ZFP90: variants seen among roughly 807,000 people sequenced by gnomAD.
ZFP90 encodes the protein ZFP90 zinc finger protein.
In ZFP90, 38 loss-of-function variants were observed where a neutral mutation model predicts 60.8. The observed-to-expected ratio is 0.62, with a 90% CI of 0.48 to 0.82. The LOEUF (loss-of-function observed/expected upper bound fraction) is 0.82, where lower values mean the gene tolerates loss of function less well. ZFP90 is among the 40% of genes least tolerant of loss of function. ZFP90 has a pLI of 0.00. For missense variants in ZFP90, 711 were observed against 759.1 expected (o/e 0.94, Z 0.74); for synonymous variants, 287 against 264.8 (o/e 1.08, Z -0.82).
chr16:68,559,766 G>T (rs573803193), intron 4 of ZFP90, among the ~76,000 whole-genome samples: 2 of 152,120 alleles, frequency 1.3e-5, no homozygotes, highest in South Asian at 4.2e-4. Context: ...AAGAAACGAG[G>T]TTTCACCATG....
chr16:68,566,307 T>TTA lies in ZFP90; in HGVS notation c.*1610_*1611insAT. 3 of 985,550 alleles carry TTA rather than the reference T, an allele frequency of 3.0e-6. No individual in the cohort carries two copies. Among genetic ancestry groups the TTA allele is most frequent in the Non-Finnish European group, 3.6e-6 (3 of 829,932 alleles). 61.1% of individuals were successfully genotyped at this position (985,550 alleles called of 1,614,324 possible). A position where few individuals can be genotyped will look rare whatever the true frequency, so the allele number is the denominator to read the frequency against. On this transcript the variant is annotated 3_prime_UTR_variant, in exon 5 of 5. Coordinates refer to ENST00000563169, the MANE Select transcript of ZFP90 (RefSeq NM_001305203.2). ...CAATTTGGGCACAACTGGACATTGA[T>TTA]TCCTTTTACACAAGAGCTGCCTCCC...
chr16:68,567,248 A>G (rs183600659), downstream of ZFP90: 408 of 737,624 alleles, frequency 5.5e-4, 2 homozygotes, highest in South Asian at 8.6e-4. Flanking sequence ...AATAGCTACC[A>G]TTTATTGAAT....
Position 68,575,712 on chromosome 16 carries a change from C to T in ZFP90, c.224-79C>T, listed in dbSNP as rs147397308. ...TTCTCAATCCGGTCTGTGGATTTAC[C>T]GAGGATTTGTAGCTAGGCATCAAAC... is the stretch of plus-strand genomic sequence containing the variant. On this transcript the variant is annotated intron_variant, in intron 2 of 2. Coordinates refer to the ZFP90 transcript ENST00000573113. 7.1e-3 allele frequency: 2,813 copies of T among 397,194 alleles called. 17 individuals are homozygous for T. The highest frequency in any genetic ancestry group is 7.8e-3 in the Non-Finnish European group (1,764 of 225,430). The allele number at this position is 397,194 out of a possible 1,614,324, so 24.6% of individuals were successfully genotyped here.
At chr16:68,536,346 G>A (rs191341277), upstream of ZFP90, among the ~76,000 whole-genome samples, 2 of 152,030 alleles carry the variant, frequency 1.3e-5, no homozygotes, top group South Asian at 2.1e-4. Flanking sequence ...GCTCTGTCAC[G>A]CCAGCTGGAG....
Position 68,563,264 on chromosome 16 carries a change from A to G in ZFP90, c.477A>G (p.Lys159=). ...CACAAGAAAATTTTGAGCAAAATAAATTTGGTGAAAATTCTAGATTGAACA... is the reference window on the plus strand; with the variant it reads ...CACAAGAAAATTTTGAGCAAAATAAGTTTGGTGAAAATTCTAGATTGAACA... ...ITPQENFEQN[K]FGENSRLNTN... is the part of the protein sequence containing the mutation. The change falls in exon 5 of 5, where the codon AAA becomes AAG. Residue 159 remains lysine (K), a synonymous_variant. Coordinates refer to ENST00000563169, the MANE Select transcript of ZFP90 (RefSeq NM_001305203.2). The G allele has an allele frequency of 6.2e-7, 1 of 1,613,908 alleles. No homozygotes were observed. Among genetic ancestry groups the G allele is most frequent in the Non-Finnish European group, 8.5e-7 (1 of 1,179,898 alleles).
chr16:68,569,896 G>A (rs985349574), downstream of ZFP90, among the ~76,000 whole-genome samples: 3 of 151,880 alleles, frequency 2.0e-5, no homozygotes, highest in East Asian at 1.9e-4. Context: ...AGATCAAGTC[G>A]TCCTCTAGTG....
intron 2 of ZFP90, among the ~76,000 whole-genome samples, chr16:68,554,327 C>T (rs1313177641): frequency 6.6e-6 from 1 of 151,808 alleles, no homozygotes; most frequent in African/African-American, 2.4e-5. Context: ...ATTCCGCTTT[C>T]CCAAAGAGTT....
chr16:68,549,989 A>G (rs11642045), intron 2 of ZFP90, among the ~76,000 whole-genome samples: 121,702 of 152,170 alleles, frequency 0.8, 48,891 homozygotes, highest in African/African-American at 0.87. Context: ...AGGAGGCAGC[A>G]TTTGAGAGAA....
intron 2 of ZFP90, among the ~76,000 whole-genome samples, chr16:68,548,788 C>G (rs146413734): frequency 6.6e-6 from 1 of 152,122 alleles, no homozygotes; most frequent in Non-Finnish European, 1.5e-5. Context: ...CTGTGCCCAG[C>G]CTTATCCTCC....
At chr16:68,552,596 GT>G (rs1311279293) in intron 2 of ZFP90, among the ~76,000 whole-genome samples, 2 of 152,150 alleles carry the variant, frequency 1.3e-5, no homozygotes, top group Non-Finnish European at 2.9e-5. Context: ...GTGAAAGAAC[GT>G]TCTGGTTTCA....
Position 68,565,711 on chromosome 16 carries a change from C to A in ZFP90, c.*1013C>A. ...CAGAAAACTAAGAGGAGAATTTTCCCGTTAATTTTCTTGCAGAAAAGTTAA... is the reference window on the plus strand; with the variant it reads ...CAGAAAACTAAGAGGAGAATTTTCCAGTTAATTTTCTTGCAGAAAAGTTAA... On this transcript the variant is annotated 3_prime_UTR_variant, in exon 5 of 5. Coordinates refer to ENST00000563169, the MANE Select transcript of ZFP90 (RefSeq NM_001305203.2). The A allele has an allele frequency of 1.0e-6, 1 of 954,240 alleles. No individual in the cohort carries two copies. The highest frequency in any genetic ancestry group is 1.2e-6 in the Non-Finnish European group (1 of 819,216). 59.1% of individuals were successfully genotyped at this position (954,240 alleles called of 1,614,324 possible).
At chr16:68,537,772 C>T (rs532624652), upstream of ZFP90, among the ~76,000 whole-genome samples, 2 of 152,166 alleles carry the variant, frequency 1.3e-5, no homozygotes, top group Admixed American at 6.5e-5. Context: ...TGCCATGTTG[C>T]CCAAGCTGGT....
At position 68,549,678 on chromosome 16, in the gene ZFP90, C is replaced by CAAAAAAAA. The variant is rs35335958; in HGVS notation, c.34-8307_34-8300dup. On this transcript the variant is annotated intron_variant, in intron 2 of 4. Coordinates refer to ENST00000563169, the MANE Select transcript of ZFP90 (RefSeq NM_001305203.2). Reference sequence around the variant, plus strand: ...TGGGCGACTGAGCAAGACTCCATCTCAAAAAAAAAAAAAAAAAAAAGTCTT... The same window carrying CAAAAAAAA: ...TGGGCGACTGAGCAAGACTCCATCTCAAAAAAAAAAAAAAAAAAAAAAAAAAAAGTCTT... Among the ~76,000 whole-genome samples, 13 of 62,922 alleles carry CAAAAAAAA rather than the reference C, an allele frequency of 2.1e-4. 1 individual carries two copies. The highest frequency in any genetic ancestry group is 8.4e-4 in the African/African-American group (11 of 13,090). 41.3% of individuals were successfully genotyped at this position (62,922 alleles called of 152,430 possible). A position where few individuals can be genotyped will look rare whatever the true frequency, so the allele number is the denominator to read the frequency against.
At position 68,566,383 on chromosome 16, in the gene ZFP90, T is replaced by G; in HGVS notation, c.*1685T>G. 1.0e-6 allele frequency: 1 copy of G among 985,564 alleles called. No individual in the cohort carries two copies. Among genetic ancestry groups the G allele is most frequent in the Non-Finnish European group, 1.2e-6 (1 of 829,932 alleles). The allele number at this position is 985,564 out of a possible 1,614,324, so 61.1% of individuals were successfully genotyped here. On this transcript the variant is annotated 3_prime_UTR_variant, in exon 5 of 5. Transcript: ENST00000563169. ...TAAATATGAATCATGGGGCAAGATA[T>G]TGGTCGTATTGATGGTGAACCTTTC... is the stretch of plus-strand genomic sequence containing the variant.
In ZFP90 at chr16:68,560,440, C is replaced by T. The variant is rs2091419471; in HGVS notation, c.256+1872C>T. Among the ~76,000 whole-genome samples the T allele has an allele frequency of 2.6e-5, 4 of 152,300 alleles. 1 individual carries two copies. In the South Asian group the frequency reaches 8.3e-4, roughly 32 times the overall value. The stretch of plus-strand genomic sequence containing the variant: ...TTTTCAAGGTTCAATCATGTTCTAG[C>T]ATGTATCAGTACATCATTCTTTTTT... On this transcript the variant is annotated intron_variant, in intron 4 of 4. Coordinates refer to ENST00000563169, the MANE Select transcript of ZFP90 (RefSeq NM_001305203.2).
At chr16:68,536,541 C>T (rs955973395), upstream of ZFP90, among the ~76,000 whole-genome samples, 3 of 152,086 alleles carry the variant, frequency 2.0e-5, no homozygotes, top group African/African-American at 7.2e-5. Flanking sequence ...TAGGCTCAAG[C>T]GATCCTCCCT....
intron 2 of ZFP90, among the ~76,000 whole-genome samples, chr16:68,543,787 C>G (rs1056061726): frequency 6.6e-6 from 1 of 151,596 alleles, no homozygotes; most frequent in Non-Finnish European, 1.5e-5. Context: ...TCTCGATCTC[C>G]TGACCTCATG....
In ZFP90 at chr16:68,557,813, C is replaced by A. The variant is rs78290952; in HGVS notation, c.34-185C>A. 2.6e-4 allele frequency among the ~76,000 whole-genome samples: 39 copies of A among 147,464 alleles called. No homozygotes were observed. In the East Asian group the frequency reaches 7.6e-3, roughly 29 times the overall value. On this transcript the variant is annotated intron_variant, in intron 2 of 4. Coordinates refer to ENST00000563169, the MANE Select transcript of ZFP90 (RefSeq NM_001305203.2). ...AGGACAAATTGCCCCTCATAACTTTCCTGCCTGACATACTAGATCCTTTAC... is the reference window on the plus strand; with the variant it reads ...AGGACAAATTGCCCCTCATAACTTTACTGCCTGACATACTAGATCCTTTAC...
chr16:68,548,957 T>G (rs1421454219), intron 2 of ZFP90, among the ~76,000 whole-genome samples: 2 of 152,222 alleles, frequency 1.3e-5, no homozygotes, highest in Non-Finnish European at 2.9e-5. Flanking sequence ...TTTAATTCAC[T>G]AACCCATGTG....
Sources: allele counts gnomAD v4.1 joint callset (sites outside exome capture counted in the v4.1 genomes callset), GRCh38; gene constraint gnomAD v4.1.1; transcripts MANE v1.5; gene names NCBI Gene and HGNC (gene_info 2026-07-23, HGNC 2026-07-21).